AVEN: variants seen among roughly 807,000 people sequenced by gnomAD.
The protein encoded by AVEN is cell death regulator Aven.
In AVEN, 41 loss-of-function variants were observed where a neutral mutation model predicts 38.1. That is an observed-to-expected ratio of 1.08 (90% CI 0.84 to 1.40). The LOEUF is 1.40. Among genes scored for constraint, AVEN ranks in the 40% most tolerant of loss-of-function variants. The probability of loss-of-function intolerance (pLI) is 0.00; values close to 1 mark genes in which losing one functional copy is unlikely to be tolerated. For missense variants in AVEN, 605 were observed against 438.8 expected (o/e 1.38, Z -3.38); for synonymous variants, 206 against 171.8 (o/e 1.20, Z -1.56).
chr15:33,891,536 C>A (rs1891967221), intron 2 of AVEN, among the ~76,000 whole-genome samples: 1 of 152,134 alleles, frequency 6.6e-6, no homozygotes, highest in Non-Finnish European at 1.5e-5. Context: ...CAGCTTCATT[C>A]ATGTCCCTGC....
intron 2 of AVEN, among the ~76,000 whole-genome samples, chr15:33,915,026 C>A (rs777603332): frequency 6.6e-6 from 1 of 151,974 alleles, no homozygotes; most frequent in Admixed American, 6.6e-5. Context: ...AAAGTACCCT[C>A]AAAAAATGAT....
intron 5 of AVEN, among the ~76,000 whole-genome samples, chr15:34,049,731 A>C (rs548488639): frequency 1.3e-5 from 2 of 152,074 alleles, no homozygotes; most frequent in African/African-American, 2.4e-5. Flanking sequence ...ACACACAATC[A>C]TCAGATTCTC....
chr15:34,065,576 G>A (rs1463216303), intron 4 of AVEN: 1 of 152,130 alleles, frequency 6.6e-6, no homozygotes, highest in African/African-American at 2.4e-5. Flanking sequence ...CACACTTGAG[G>A]GTGCGATGAA....
chr15:33,964,049 G>A (rs761556095), intron 2 of AVEN, among the ~76,000 whole-genome samples: 2 of 150,780 alleles, frequency 1.3e-5, no homozygotes, highest in Non-Finnish European at 2.9e-5. Context: ...GTGACCACAC[G>A]TTCAAATGTT....
At chr15:33,865,340 T>A (rs1597153365), downstream of AVEN, 2 of 622,134 alleles carry the variant, frequency 3.2e-6, no homozygotes, top group Non-Finnish European at 5.3e-6. Flanking sequence ...ATGCCTCCCT[T>A]AAAAAAAAAA....
intron 2 of AVEN, among the ~76,000 whole-genome samples, chr15:33,951,944 G>A (rs530158663): frequency 6.6e-6 from 1 of 152,254 alleles, no homozygotes; most frequent in South Asian, 2.1e-4. Flanking sequence ...ATAAGACCAA[G>A]GCCAAACATT....
intron 1 of AVEN, among the ~76,000 whole-genome samples, chr15:34,037,100 A>T (rs1899166669): frequency 7.3e-6 from 1 of 137,418 alleles, no homozygotes; most frequent in African/African-American, 3.2e-5. Context: ...CAAGAGTAAA[A>T]CTCCGTCTCA....
intron 2 of AVEN, among the ~76,000 whole-genome samples, chr15:33,943,297 A>G (rs956944724): frequency 5.9e-5 from 9 of 152,378 alleles, no homozygotes; most frequent in East Asian, 1.9e-4. Flanking sequence ...ATCCTGTCAC[A>G]TGCTACAACA....
intron 1 of AVEN, among the ~76,000 whole-genome samples, chr15:34,071,259 T>C (rs1900618524): frequency 6.6e-6 from 1 of 152,138 alleles, no homozygotes; most frequent in Non-Finnish European, 1.5e-5. Context: ...ACCCCAATAT[T>C]ACTAGCTAGG....
intron 1 of AVEN, among the ~76,000 whole-genome samples, chr15:34,032,023 G>GCACACATA (rs1898870749): frequency 6.7e-6 from 1 of 148,944 alleles, no homozygotes; most frequent in South Asian, 2.1e-4. Flanking sequence ...GCGCGCACAC[G>GCACACATA]CACACACACA....
chr15:34,002,873 C>T (rs1368490586), intron 2 of AVEN, among the ~76,000 whole-genome samples, 159 bp downstream of exon 2: 2 of 152,102 alleles, frequency 1.3e-5, no homozygotes, highest in Admixed American at 1.3e-4. Flanking sequence ...TCATTTTTTT[C>T]CCTTACAAGC....
At chr15:33,907,884 A>G (rs1197299054) in intron 2 of AVEN, among the ~76,000 whole-genome samples, 1 of 152,138 alleles carries the variant, frequency 6.6e-6, no homozygotes, top group Non-Finnish European at 1.5e-5. Flanking sequence ...TATCTTTTAT[A>G]ATCTTGGAGT....
intron 2 of AVEN, among the ~76,000 whole-genome samples, chr15:33,988,255 C>T (rs1896563170): frequency 1.3e-5 from 2 of 152,088 alleles, no homozygotes; most frequent in African/African-American, 4.8e-5. Flanking sequence ...TTTTTAGTTT[C>T]AGATAATCAA....
At chr15:34,071,738 A>G (rs1900630542) in intron 1 of AVEN, among the ~76,000 whole-genome samples, 1 of 152,204 alleles carries the variant, frequency 6.6e-6, no homozygotes, top group Admixed American at 6.5e-5. Context: ...CAGGCTGGAA[A>G]ACAGTAAAGA....
At chr15:33,948,508 T>C (rs147758497) in intron 2 of AVEN, among the ~76,000 whole-genome samples, 71 of 152,338 alleles carry the variant, frequency 4.7e-4, no homozygotes, top group African/African-American at 1.6e-3. Flanking sequence ...TAATAAGTGT[T>C]AGTATCTTTT....
At chr15:33,852,343 TTAACAG>T in the AVEN span, 2 of 152,056 alleles carry the variant, frequency 1.3e-5, no homozygotes, top group African/African-American at 2.4e-5. Flanking sequence ...TTTCTTAACT[TTAACAG>T]TAAGAAATAT....
At chr15:33,904,694 A>AAAAATATATATATATAT (rs1464894437) in intron 2 of AVEN, among the ~76,000 whole-genome samples, 2 of 112,742 alleles carry the variant, frequency 1.8e-5, no homozygotes, top group African/African-American at 5.8e-5. Flanking sequence ...AAAAAAAAAA[A>AAAAATATATATATATAT]ATATATATAT....
chr15:34,002,994 A>G, intron 2 of AVEN, 38 bp downstream of exon 2: 1 of 1,515,330 alleles, frequency 6.6e-7, no homozygotes, highest in South Asian at 1.3e-5. Context: ...TGCAACTTTC[A>G]GAGCACTAAA....
downstream of AVEN, chr15:33,854,593 A>G (rs1567331574): frequency 1.9e-6 from 2 of 1,054,682 alleles, no homozygotes. Flanking sequence ...GAACACTTAT[A>G]CAATGGTATA....
Sources: gnomAD v4.1 joint callset for allele counts (sites outside exome capture counted in the v4.1 genomes callset) on GRCh38, gnomAD v4.1.1 for gene constraint, MANE v1.5 for transcripts, NCBI Gene and HGNC (gene_info 2026-07-23, HGNC 2026-07-21) for gene names.